The following IRX4 variants were observed in gnomAD, a reference collection of about 807,000 sequenced individuals.
IRX4 encodes iroquois homeobox 4, also known as iroquois-class homeodomain protein IRX-4.
In IRX4, 22 loss-of-function variants were observed where a neutral mutation model predicts 32.0. That is an observed-to-expected ratio of 0.69 (90% CI 0.49 to 0.98). The LOEUF (loss-of-function observed/expected upper bound fraction) is 0.98, where lower values mean the gene tolerates loss of function less well. Ranked by LOEUF, IRX4 falls within the 50% of genes least tolerant of loss-of-function variation. IRX4 has a pLI of 0.00. For missense variants in IRX4, 840 were observed against 744.2 expected, an observed-to-expected ratio of 1.13 and a Z score of -1.50; for synonymous variants, 379 against 351.7, an observed-to-expected ratio of 1.08 and a Z score of -0.87.
At chr5:1,878,940 C>A in intron 4 of IRX4, 148 bp from the exon 5 acceptor site, 1 of 829,896 alleles carries the variant, frequency 1.2e-6, no homozygotes. Context: ...CTCCAGAGGC[C>A]ACCAGGTCAC....
Position 1,878,465 on chromosome 5 carries a change from G to C in IRX4, c.1064C>G (p.Pro355Arg). 2.1e-6 allele frequency: 3 copies of C among 1,452,700 alleles called. No individual in the cohort carries two copies. Among genetic ancestry groups the C allele is most frequent in the Non-Finnish European group, 1.8e-6 (2 of 1,108,566 alleles). The allele number at this position is 1,452,700 out of a possible 1,614,324, so 90.0% of individuals were successfully genotyped here. Residue 355 changes from proline to arginine, a missense_variant, in exon 5 of 5, where the codon CCG (proline) becomes CGG (arginine). By Grantham distance (103) the Pro-to-Arg change is moderately radical. This residue lies in a region of IRX4 where 585 missense variants were observed against 488.0 expected (regional missense o/e 1.20). Transcript: ENST00000231357. ...QVCEAKLGFVPAGASAGLEAK... is the reference protein window; with the variant it reads ...QVCEAKLGFVRAGASAGLEAK... ...CTCCAGGCCTGCCGACGCCCCCGCC[G>C]GCACAAACCCCAGCTTGGCCTCGCA...
Position 1,878,693 on chromosome 5 carries a change from A to T in IRX4, c.836T>A (p.Phe279Tyr), listed in dbSNP as rs1210611502. 6.2e-7 allele frequency: 1 copy of T among 1,610,272 alleles called. No homozygotes were observed. The highest frequency in any genetic ancestry group is 1.1e-5 in the South Asian group (1 of 90,692). ...EPPACELKPP[F>Y]HSLDGGLERV... ...CTCCAGACCGCCGTCCAGGGAGTGG[A>T]AGGGCGGCTTCAGCTCGCACGCCGG... Residue 279 changes from phenylalanine to tyrosine, a missense_variant, in exon 5 of 5, where the codon TTC (phenylalanine) becomes TAC (tyrosine). Phe to Tyr is a conservative substitution (Grantham distance 22, BLOSUM62 3). This residue lies in a region of IRX4 where 585 missense variants were observed against 488.0 expected (regional missense o/e 1.20). Transcript: ENST00000231357.
rs751783657 is a variant in IRX4 at position 1,879,574 on chromosome 5, C to T, written c.666G>A (p.Ala222=). The change falls in exon 4 of 5, where the codon GCG becomes GCA. Residue 222 remains alanine (A), a synonymous_variant. Coordinates refer to ENST00000231357, the MANE Select transcript of IRX4 (RefSeq NM_016358.3). ...NKCADEKRPY[A]EGEEEEGGEE... is the part of the protein sequence containing the mutation. ...CGCCCCCCTCCTCCTCCTCGCCCTCCGCGTAGGGCCGCTTCTCGTCTGCGC... is the reference window on the plus strand; with the variant it reads ...CGCCCCCCTCCTCCTCCTCGCCCTCTGCGTAGGGCCGCTTCTCGTCTGCGC... 10 of 1,613,706 alleles carry T rather than the reference C, an allele frequency of 6.2e-6. No individual in the cohort carries two copies. The East Asian group carries it at 8.9e-5, about 14-fold the overall frequency.
chr5:1,880,127 C>CATAAA, intron 3 of IRX4: 2 of 1,535,594 alleles, frequency 1.3e-6, no homozygotes, highest in South Asian at 2.4e-5. Flanking sequence ...TGGGGATGAC[C>CATAAA]GCCTAGCCGT....
chr5:1,881,036 A>T, intron 2 of IRX4: 2 of 267,126 alleles, frequency 7.5e-6, no homozygotes, highest in Non-Finnish European at 1.3e-5. Context: ...TTGCAGAAGC[A>T]GTGTGTGGTG....
Position 1,880,773 on chromosome 5 carries a change from G to A in IRX4, c.359C>T (p.Ala120Val). 6.2e-7 allele frequency: 1 copy of A among 1,613,738 alleles called. No individual in the cohort carries two copies. Among genetic ancestry groups the A allele is most frequent in the Non-Finnish European group, 8.5e-7 (1 of 1,179,970 alleles). Reference protein sequence around the residue: ...SAHGGLAPAAAAYYPYEPALG... With the variant: ...SAHGGLAPAAVAYYPYEPALG... ...AGCTGGCTCGTAAGGGTAGTAGGCGGCAGCGGCTGGTGCCAGGCCCCCATG... is the reference window on the plus strand; with the variant it reads ...AGCTGGCTCGTAAGGGTAGTAGGCGACAGCGGCTGGTGCCAGGCCCCCATG... The change falls in exon 3 of 5, where the codon GCC (alanine) becomes GTC (valine). Residue 120 changes from alanine to valine, a missense_variant. Coordinates refer to ENST00000231357, the MANE Select transcript of IRX4 (RefSeq NM_016358.3).
chr5:1,881,957 G>A lies in IRX4; in HGVS notation c.148C>T (p.Pro50Ser). 6.4e-7 allele frequency: 1 copy of A among 1,563,082 alleles called. No individual in the cohort carries two copies. The highest frequency in any genetic ancestry group is 8.7e-7 in the Non-Finnish European group (1 of 1,154,376). The change falls in exon 2 of 5, where the codon CCG (proline) becomes TCG (serine). Residue 50 changes from proline (P) to serine (S), a missense_variant. Physicochemically the swap from Pro to Ser is moderately conservative, Grantham distance 74. Coordinates refer to ENST00000231357, the MANE Select transcript of IRX4 (RefSeq NM_016358.3). ...AASAQAPVYC[P>S]VYESRLLATA... The stretch of plus-strand genomic sequence containing the variant: ...GCCAGCAGCCGGCTCTCGTAGACCG[G>A]GCAGTAGACCGGCGCCTGGGCCGAG...
intron 2 of IRX4, among the ~76,000 whole-genome samples, 181 bp downstream of exon 2, chr5:1,881,626 CA>C (rs1735442154): frequency 1.6e-5 from 2 of 127,858 alleles, no homozygotes; most frequent in Non-Finnish European, 3.2e-5. Flanking sequence ...TCATCTGTCC[CA>C]GGGGGTGGGG....
At chr5:1,879,014 C>T (rs1157921682) in intron 4 of IRX4, among the ~76,000 whole-genome samples, 1 of 146,580 alleles carries the variant, frequency 6.8e-6, no homozygotes, top group African/African-American at 2.6e-5. Context: ...TTTTTTGAGA[C>T]GGAGTCTCGC....
At position 1,878,791 on chromosome 5, in the gene IRX4, C is replaced by A; in HGVS notation, c.738G>T (p.Glu246Asp). The A allele has an allele frequency of 6.2e-7, 1 of 1,613,204 alleles. No individual in the cohort carries two copies. The highest frequency in any genetic ancestry group is 8.5e-7 in the Non-Finnish European group (1 of 1,179,856). The stretch of plus-strand genomic sequence containing the variant: ...GCTCCTTCTCCTCTTTGCCCACGGG[C>A]TCTGCGGGAGAGAATGCGTGGCCAG... ...EEPLKSSKNA[E>D]PVGKEEKELE... The change falls in exon 5 of 5, where the codon GAG (glutamate) becomes GAT (aspartate). Residue 246 changes from glutamate to aspartate, a missense_variant and splice_region_variant. By Grantham distance (45) the Glu-to-Asp change is conservative (BLOSUM62 2). Transcript: ENST00000231357.
upstream of IRX4, chr5:1,887,108 C>T (rs1249979065): frequency 1.3e-5 from 2 of 151,532 alleles, no homozygotes; most frequent in Non-Finnish European, 2.9e-5. Context: ...GGGCTCCGCG[C>T]GGAAGCTCGG....
rs148912115 is a variant in IRX4, at chr5:1,880,771, C to A, written c.361G>T (p.Ala121Ser). The change falls in exon 3 of 5, where the codon GCC becomes TCC. Residue 121 changes from alanine to serine, a missense_variant. Ala to Ser is a moderately conservative substitution (Grantham distance 99, BLOSUM62 1). This residue lies in a region of IRX4 where 241 missense variants were observed against 220.8 expected (regional missense o/e 1.09). Transcript: ENST00000231357. ...AGAGCTGGCTCGTAAGGGTAGTAGGCGGCAGCGGCTGGTGCCAGGCCCCCA... is the reference window on the plus strand; with the variant it reads ...AGAGCTGGCTCGTAAGGGTAGTAGGAGGCAGCGGCTGGTGCCAGGCCCCCA... ...AHGGLAPAAA[A>S]YYPYEPALGQ... The A allele has an allele frequency of 6.2e-7, 1 of 1,613,690 alleles. No homozygotes were observed. Among genetic ancestry groups the A allele is most frequent in the African/African-American group, 1.3e-5 (1 of 74,996 alleles).
chr5:1,886,657 G>T (rs1388465439), upstream of IRX4, among the ~76,000 whole-genome samples: 1 of 152,004 alleles, frequency 6.6e-6, no homozygotes, highest in African/African-American at 2.4e-5. Flanking sequence ...GAGGCTGGAC[G>T]GAGCGCCGTC....
At chr5:1,882,359 AC>A (rs1735480825) in intron 1 of IRX4, among the ~76,000 whole-genome samples, 1 of 152,108 alleles carries the variant, frequency 6.6e-6, no homozygotes, top group South Asian at 2.1e-4. Context: ...CCCCTGGGGC[AC>A]AGCCTGAGCC....
chr5:1,882,568 C>T (rs1735490696), intron 1 of IRX4, 35 bp downstream of exon 1: 1 of 1,501,150 alleles, frequency 6.7e-7, no homozygotes, highest in Non-Finnish European at 8.9e-7. Context: ...CTACCGGCAC[C>T]TGCGGTGGCC....
rs1313491608 is a variant in IRX4, at chr5:1,877,709, CTCTT to C, written c.*256_*259del. 2.0e-6 allele frequency: 1 copy of C among 502,746 alleles called. No individual in the cohort carries two copies. The highest frequency in any genetic ancestry group is 2.1e-5 in the African/African-American group (1 of 48,756). 31.1% of individuals were successfully genotyped at this position (502,746 alleles called of 1,614,324 possible). A position where few individuals can be genotyped will look rare whatever the true frequency, so the allele number is the denominator to read the frequency against. The stretch of plus-strand genomic sequence containing the variant: ...AACTTTATGCTTCAGGGTATCTGGC[CTCTT>C]CTGCTCCGAGAGCCTCTCCTTCCGC... On this transcript the variant is annotated 3_prime_UTR_variant, in exon 5 of 5. Coordinates refer to ENST00000231357, the MANE Select transcript of IRX4 (RefSeq NM_016358.3).
chr5:1,885,591 C>T (rs755116670), upstream of IRX4, among the ~76,000 whole-genome samples: 3 of 152,120 alleles, frequency 2.0e-5, no homozygotes, highest in Non-Finnish European at 4.4e-5. Context: ...CAGGAGGCCT[C>T]CTGACCCGCC....
chr5:1,882,162 C>A, intron 1 of IRX4, 103 bp from the exon 2 acceptor site: 1 of 1,366,632 alleles, frequency 7.3e-7, no homozygotes. Flanking sequence ...GCCCCGAGTA[C>A]CCCCGGGCCT....
rs777350344 is a variant in IRX4 at position 1,881,923 on chromosome 5, C to T, written c.182G>A (p.Arg61His). 1.3e-6 allele frequency: 2 copies of T among 1,579,862 alleles called. No individual in the cohort carries two copies. Among genetic ancestry groups the T allele is most frequent in the South Asian group, 1.2e-5 (1 of 86,382 alleles). The change falls in exon 2 of 5, where the codon CGC becomes CAC. Residue 61 changes from arginine (R) to histidine (H), a missense_variant. This residue lies in a region of IRX4 where 241 missense variants were observed against 220.8 expected (regional missense o/e 1.09). Coordinates refer to ENST00000231357, the MANE Select transcript of IRX4 (RefSeq NM_016358.3). The stretch of plus-strand genomic sequence containing the variant: ...CGCCGCGGCCGAGTTGAGCTCGTGG[C>T]GCGCGGTGGCCAGCAGCCGGCTCTC... ...VYESRLLATARHELNSAAALG... is the reference protein window; with the variant it reads ...VYESRLLATAHHELNSAAALG...
Sources: gnomAD v4.1 joint callset for allele counts (sites outside exome capture counted in the v4.1 genomes callset) on GRCh38, gnomAD v4.1.1 for gene constraint, gnomAD v4.1.1 regional missense constraint, MANE v1.5 for transcripts, NCBI Gene and HGNC (gene_info 2026-07-23, HGNC 2026-07-21) for gene names.